Variants in TMEM132D observed in about 807,000 individuals in gnomAD.
TMEM132D encodes the protein mature OL transmembrane protein.
A neutral mutation model predicts 62.3 loss-of-function variants in TMEM132D; 21 were observed. The ratio of observed to expected loss-of-function variants is 0.34; its 90% confidence interval spans 0.24 to 0.49. The LOEUF is 0.49. Ranked by LOEUF, TMEM132D falls within the 20% of genes least tolerant of loss-of-function variation. The pLI is 0.99. For missense variants in TMEM132D, 1,346 were observed against 1,402.8 expected (o/e 0.96, Z 0.65); for synonymous variants, 621 against 575.6 (o/e 1.08, Z -1.13).
chr12:129,778,953 C>G (rs1026622036), intron 1 of TMEM132D, among the ~76,000 whole-genome samples: 2 of 152,174 alleles, frequency 1.3e-5, no homozygotes, highest in Non-Finnish European at 2.9e-5. Context: ...CAAAACGGAA[C>G]AGCAGCTTAA....
chr12:129,775,972 G>C (rs543198959), intron 1 of TMEM132D, among the ~76,000 whole-genome samples: 19 of 151,428 alleles, frequency 1.3e-4, no homozygotes, highest in Admixed American at 3.3e-4. Flanking sequence ...TGCTTCAATA[G>C]TAAGAAAAAA....
intron 2 of TMEM132D, among the ~76,000 whole-genome samples, chr12:129,604,936 G>A (rs1469893729): frequency 6.6e-6 from 1 of 152,124 alleles, no homozygotes; most frequent in African/African-American, 2.4e-5. Flanking sequence ...GAGAGAAGGG[G>A]CAGTGAACAA....
chr12:129,539,651 A>G (rs1876531437), intron 2 of TMEM132D, among the ~76,000 whole-genome samples: 1 of 151,110 alleles, frequency 6.6e-6, no homozygotes, highest in African/African-American at 2.4e-5. Context: ...GGCTCAAGTG[A>G]TCTGCCTGCT....
At chr12:129,579,019 G>T (rs1206947217) in intron 2 of TMEM132D, among the ~76,000 whole-genome samples, 1 of 152,102 alleles carries the variant, frequency 6.6e-6, no homozygotes, top group Non-Finnish European at 1.5e-5. Context: ...ACAGGGACTT[G>T]GTCTTATTAC....
intron 2 of TMEM132D, among the ~76,000 whole-genome samples, chr12:129,587,907 C>A (rs1352858615): frequency 6.6e-6 from 1 of 152,186 alleles, no homozygotes; most frequent in Admixed American, 6.5e-5. Context: ...CACGTTATAG[C>A]TCTGAAGGTC....
chr12:129,145,686 G>A (rs1876875386), intron 5 of TMEM132D, among the ~76,000 whole-genome samples: 1 of 152,036 alleles, frequency 6.6e-6, no homozygotes, highest in Non-Finnish European at 1.5e-5. Context: ...CCATTTTTGT[G>A]TTACCGACAC....
chr12:129,106,743 G>T (rs536771265), intron 5 of TMEM132D, among the ~76,000 whole-genome samples: 36 of 152,302 alleles, frequency 2.4e-4, no homozygotes, highest in African/African-American at 7.7e-4. Flanking sequence ...TGACGTGGGA[G>T]TAGAAGCGAT....
rs574682041 is a variant in TMEM132D, at chr12:129,672,176, A to G, written c.968+27634T>C. Among the ~76,000 whole-genome samples, 6 of 152,376 alleles carry G rather than the reference A, an allele frequency of 3.9e-5. No homozygotes were observed. In the East Asian group the frequency reaches 9.6e-4, roughly 24 times the overall value. ...GCACCAAGCCAGCTTCTCCTCTCTA[A>G]GCCCACAGCCAGGCCTCCCGTTTTC... On this transcript the variant is annotated intron_variant, in intron 2 of 8. Coordinates refer to ENST00000422113, the MANE Select transcript of TMEM132D (RefSeq NM_133448.3).
chr12:129,576,848 C>T (rs760621108), intron 2 of TMEM132D, among the ~76,000 whole-genome samples: 9 of 151,830 alleles, frequency 5.9e-5, no homozygotes, highest in African/African-American at 1.7e-4. Context: ...GAAAAGAGAA[C>T]GCTCGGAAAA....
intron 3 of TMEM132D, among the ~76,000 whole-genome samples, chr12:129,524,020 G>A (rs2137083242): frequency 6.6e-6 from 1 of 151,898 alleles, no homozygotes; most frequent in East Asian, 1.9e-4. Flanking sequence ...TCAAACACTG[G>A]CTTTGAACAA....
intron 2 of TMEM132D, among the ~76,000 whole-genome samples, chr12:129,613,855 AC>A (rs952399486): frequency 9.9e-5 from 15 of 152,170 alleles, no homozygotes; most frequent in Non-Finnish European, 2.1e-4. Flanking sequence ...CGGCTCCAGA[AC>A]CCAACCAGCT....
chr12:129,151,060 G>A (rs541532382), intron 5 of TMEM132D, among the ~76,000 whole-genome samples: 13 of 152,244 alleles, frequency 8.5e-5, no homozygotes, highest in African/African-American at 1.7e-4. Context: ...GTCACTACCC[G>A]GGGTTTGCAG....
intron 1 of TMEM132D, among the ~76,000 whole-genome samples, chr12:129,768,337 T>C (rs1211285245): frequency 1.3e-5 from 2 of 152,078 alleles, no homozygotes; most frequent in African/African-American, 4.8e-5. Context: ...CCCATCAACA[T>C]TATGCAAGGT....
intron 4 of TMEM132D, among the ~76,000 whole-genome samples, chr12:129,248,088 C>T (rs947532004): frequency 2.0e-5 from 3 of 152,242 alleles, no homozygotes; most frequent in South Asian, 2.1e-4. Context: ...AGTAGCAAAG[C>T]GCTTTCACAT....
In TMEM132D at chr12:129,389,515, A is replaced by T. The variant is rs142609062; in HGVS notation, c.1116-51698T>A. Among the ~76,000 whole-genome samples the T allele has an allele frequency of 1.4e-3, 218 of 152,304 alleles. 1 individual carries two copies. Among genetic ancestry groups the T allele is most frequent in the African/African-American group, 4.4e-3 (182 of 41,562 alleles). On this transcript the variant is annotated intron_variant, in intron 3 of 8. Transcript: ENST00000422113. ...ACACAAATGCTATGTCCCAACACTA[A>T]CACTAACTCCAACACCAACACTAAC...
chr12:129,436,309 G>C (rs573002796), intron 3 of TMEM132D, among the ~76,000 whole-genome samples: 12 of 152,170 alleles, frequency 7.9e-5, no homozygotes, highest in African/African-American at 2.6e-4. Flanking sequence ...TGTTATTTGG[G>C]TTTTCTGATA....
At chr12:129,414,918 G>A (rs560165849) in intron 3 of TMEM132D, among the ~76,000 whole-genome samples, 12 of 152,180 alleles carry the variant, frequency 7.9e-5, no homozygotes, top group South Asian at 2.1e-4. Flanking sequence ...AGATCATGCC[G>A]TATCTGTCTT....
At chr12:129,391,320 G>A (rs1008751852) in intron 3 of TMEM132D, among the ~76,000 whole-genome samples, 3 of 152,160 alleles carry the variant, frequency 2.0e-5, no homozygotes, top group African/African-American at 2.4e-5. Context: ...AACAAACTTC[G>A]GGAGATGAGG....
chr12:129,478,562 T>C (rs7953756), intron 3 of TMEM132D, among the ~76,000 whole-genome samples: 49,326 of 152,078 alleles, frequency 0.32, 8,981 homozygotes, highest in African/African-American at 0.49. Context: ...GCCAAGTATT[T>C]CATTTGGAAA....
Sources: gnomAD v4.1 joint callset for allele counts (sites outside exome capture counted in the v4.1 genomes callset) on GRCh38, gnomAD v4.1.1 for gene constraint, MANE v1.5 for transcripts, NCBI Gene and HGNC (gene_info 2026-07-23, HGNC 2026-07-21) for gene names.